Variants in ELP4 observed in about 807,000 individuals in gnomAD.
ELP4 encodes elongator acetyltransferase complex subunit 4.
A neutral mutation model predicts 48.9 loss-of-function variants in ELP4; 51 were observed. The ratio of observed to expected loss-of-function variants is 1.04; its 90% CI spans 0.83 to 1.32. The LOEUF (loss-of-function observed/expected upper bound fraction) is 1.32. ELP4 is among the 40% of genes most tolerant of loss of function. ELP4 has a pLI of 0.00. For missense variants in ELP4, 519 were observed against 514.6 expected, an observed-to-expected ratio of 1.01 and a Z score of -0.08; for synonymous variants, 210 against 189.2, an observed-to-expected ratio of 1.11 and a Z score of -0.90.
intron 9 of ELP4, among the ~76,000 whole-genome samples, chr11:31,741,734 A>T (rs929075816): frequency 6.6e-6 from 1 of 152,172 alleles, no homozygotes; most frequent in African/African-American, 2.4e-5. Flanking sequence ...TCAACACCAA[A>T]AACCCATCTG....
intron 3 of ELP4, among the ~76,000 whole-genome samples, chr11:31,576,826 A>G (rs1050702417): frequency 1.3e-5 from 2 of 152,228 alleles, no homozygotes; most frequent in African/African-American, 4.8e-5. Context: ...CTAAATGCCC[A>G]AAAGAGAAAG....
At chr11:31,670,001 T>C (rs931699029) in intron 9 of ELP4, among the ~76,000 whole-genome samples, 1 of 152,118 alleles carries the variant, frequency 6.6e-6, no homozygotes, top group Non-Finnish European at 1.5e-5. Flanking sequence ...TCTTGCTAGC[T>C]CCTTCTTCAC....
chr11:31,593,597 G>T (rs925845971), intron 3 of ELP4, among the ~76,000 whole-genome samples: 1 of 152,108 alleles, frequency 6.6e-6, no homozygotes, highest in African/African-American at 2.4e-5. Context: ...GAGACATAGA[G>T]AGGTCCTGTG....
chr11:31,713,989 G>C (rs1014732555), intron 9 of ELP4, among the ~76,000 whole-genome samples: 4 of 152,110 alleles, frequency 2.6e-5, no homozygotes, highest in Non-Finnish European at 4.4e-5. Context: ...GACAGTTTGT[G>C]CTGAATGGAC....
chr11:31,549,687 C>T lies in ELP4; in HGVS notation c.381+9904C>T, dbSNP rs546220433. Among the ~76,000 whole-genome samples the T allele has an allele frequency of 7.2e-5, 11 of 152,232 alleles. No homozygotes were observed. The South Asian group carries it at 8.3e-4, about 11-fold the overall frequency. On this transcript the variant is annotated intron_variant, in intron 3 of 9. Coordinates refer to ENST00000640961, the MANE Select transcript of ELP4 (RefSeq NM_019040.5). ...ATGCTGCTATAAAGACACATGTACA[C>T]GTATGTTTATTGCGGCACTATTCAC... is the stretch of plus-strand genomic sequence containing the variant.
chr11:31,722,834 G>T (rs1946997505), intron 9 of ELP4, among the ~76,000 whole-genome samples: 1 of 152,036 alleles, frequency 6.6e-6, no homozygotes, highest in African/African-American at 2.4e-5. Flanking sequence ...GACCCTGTGG[G>T]TCTCACCCCA....
chr11:31,702,849 A>C (rs1484421277), intron 9 of ELP4, among the ~76,000 whole-genome samples: 1 of 152,190 alleles, frequency 6.6e-6, no homozygotes, highest in Non-Finnish European at 1.5e-5. Flanking sequence ...GAGGATATCA[A>C]TGCCTATATC....
intron 2 of ELP4, among the ~76,000 whole-genome samples, chr11:31,520,338 C>T (rs1000141109): frequency 6.6e-6 from 1 of 152,074 alleles, no homozygotes; most frequent in Non-Finnish European, 1.5e-5. Flanking sequence ...CATTGTGCTC[C>T]ATTTTTTTAA....
intron 9 of ELP4, among the ~76,000 whole-genome samples, chr11:31,771,992 A>C (rs1031963011): frequency 2.6e-5 from 4 of 152,016 alleles, no homozygotes; most frequent in African/African-American, 7.2e-5. Flanking sequence ...TAAAAAAAAA[A>C]ATTAGGTCTT....
chr11:31,741,097 G>A (rs557357579), intron 9 of ELP4, among the ~76,000 whole-genome samples: 10 of 152,242 alleles, frequency 6.6e-5, no homozygotes, highest in South Asian at 2.1e-4. Context: ...ATTATATCCC[G>A]TACCTGTCTC....
At chr11:31,514,449 C>A (rs947569794) in intron 1 of ELP4, among the ~76,000 whole-genome samples, 1 of 151,932 alleles carries the variant, frequency 6.6e-6, no homozygotes, top group South Asian at 2.1e-4. Context: ...ACAGTGAGAC[C>A]CCATCTCAAA....
At chr11:31,570,992 G>A (rs1237294113) in intron 3 of ELP4, among the ~76,000 whole-genome samples, 1 of 151,194 alleles carries the variant, frequency 6.6e-6, no homozygotes, top group Non-Finnish European at 1.5e-5. Flanking sequence ...TAGAGACGGG[G>A]TTTCACCATA....
chr11:31,623,801 A>G (rs1289318746), intron 5 of ELP4, among the ~76,000 whole-genome samples: 4 of 151,430 alleles, frequency 2.6e-5, no homozygotes, highest in Non-Finnish European at 1.5e-5. Context: ...AAATATTTGC[A>G]AACCATATGT....
chr11:31,710,712 C>G (rs906358136), intron 9 of ELP4, among the ~76,000 whole-genome samples: 1 of 151,650 alleles, frequency 6.6e-6, no homozygotes, highest in East Asian at 1.9e-4. Context: ...GAAAAGAGTT[C>G]ATTGGCATAA....
chr11:31,570,570 C>T (rs1324896330), intron 3 of ELP4, among the ~76,000 whole-genome samples: 1 of 149,642 alleles, frequency 6.7e-6, no homozygotes, highest in Non-Finnish European at 1.5e-5. Context: ...TGGGTTCAAG[C>T]GATTCTCCTC....
chr11:31,742,256 A>G (rs1337452874), intron 9 of ELP4, among the ~76,000 whole-genome samples: 1 of 152,258 alleles, frequency 6.6e-6, no homozygotes, highest in Non-Finnish European at 1.5e-5. Context: ...TGAAAAGACC[A>G]AAACTACGTC....
chr11:31,556,348 T>A (rs1250884455), intron 3 of ELP4, among the ~76,000 whole-genome samples: 1 of 151,932 alleles, frequency 6.6e-6, no homozygotes, highest in Non-Finnish European at 1.5e-5. Context: ...ATGATGAGTA[T>A]TTTCCATGAA....
chr11:31,615,150 G>GA (rs577403776), intron 5 of ELP4, among the ~76,000 whole-genome samples: 3 of 151,514 alleles, frequency 2.0e-5, no homozygotes, highest in Admixed American at 6.6e-5. Context: ...AGTGGAATGG[G>GA]AAAAAAAAGA....
intron 9 of ELP4, among the ~76,000 whole-genome samples, chr11:31,771,385 A>AT (rs1202875689): frequency 1.3e-5 from 2 of 152,142 alleles, no homozygotes; most frequent in Non-Finnish European, 2.9e-5. Context: ...CTTTGTAAGG[A>AT]TGTGGGTAAG....
Sources: allele counts gnomAD v4.1 joint callset (sites outside exome capture counted in the v4.1 genomes callset), GRCh38; gene constraint gnomAD v4.1.1; transcripts MANE v1.5; gene names NCBI Gene and HGNC (gene_info 2026-07-23, HGNC 2026-07-21).